AFDN: variants seen among roughly 807,000 people sequenced by gnomAD.
The protein encoded by AFDN is afadin, adherens junction formation factor, also known as afadin.
In AFDN, 68 loss-of-function variants were observed where a neutral mutation model predicts 216.6. The ratio of observed to expected loss-of-function variants is 0.31; its 90% CI spans 0.26 to 0.38. AFDN has a LOEUF of 0.38. AFDN is among the 10% of genes least tolerant of loss of function. The pLI, the probability that AFDN is intolerant of heterozygous loss-of-function variation, is 1.00. For missense variants in AFDN, 2,136 were observed against 2,342.0 expected (o/e 0.91, Z 1.82); for synonymous variants, 868 against 853.7 (o/e 1.02, Z -0.29).
chr6:167,856,021 T>A (rs1782855043), intron 1 of AFDN, among the ~76,000 whole-genome samples: 1 of 152,140 alleles, frequency 6.6e-6, no homozygotes. Context: ...GTTTAAATAG[T>A]GATGAAACCT....
chr6:167,836,153 T>C (rs1387018243), intron 1 of AFDN, among the ~76,000 whole-genome samples: 3 of 152,248 alleles, frequency 2.0e-5, no homozygotes, highest in Non-Finnish European at 4.4e-5. Flanking sequence ...CATCAAGTTT[T>C]ATTACTTGAA....
chr6:167,951,610 G>A lies in AFDN; in HGVS notation c.4256G>A (p.Arg1419Lys), dbSNP rs954474029. ...AQVAAAERRK[R>K]EEHQRWYEKE... ...GTGGCTGCTGCTGAACGGAGAAAGA[G>A]AGAAGAACATCAGCGTTGGTATGAG... The change falls in exon 30 of 34, where the codon AGA becomes AAA. Residue 1419 changes from arginine (R) to lysine (K), a missense_variant. Arg to Lys is a conservative substitution (Grantham distance 26). Coordinates refer to ENST00000683244, the MANE Select transcript of AFDN (RefSeq NM_001386888.1). This position sits in a 1 kb window ranked among gnomAD's most constrained non-coding sequence, Gnocchi z 7.1. The A allele has an allele frequency of 1.2e-6, 2 of 1,613,990 alleles. No individual in the cohort carries two copies. Among genetic ancestry groups the A allele is most frequent in the Non-Finnish European group, 1.7e-6 (2 of 1,180,038 alleles).
intron 6 of AFDN, among the ~76,000 whole-genome samples, chr6:167,886,647 A>G (rs1786850760): frequency 6.6e-6 from 1 of 152,272 alleles, no homozygotes; most frequent in South Asian, 2.1e-4. Context: ...AAGTCCATGG[A>G]TATGATGGGT....
chr6:167,885,337 C>G (rs1320657705), intron 6 of AFDN, among the ~76,000 whole-genome samples: 2 of 152,180 alleles, frequency 1.3e-5, no homozygotes, highest in Non-Finnish European at 2.9e-5. Flanking sequence ...TAGCTTTCTG[C>G]CTGTCTGGGC....
chr6:167,906,079 G>A (rs1019826151), intron 12 of AFDN, among the ~76,000 whole-genome samples: 1 of 152,126 alleles, frequency 6.6e-6, no homozygotes, highest in African/African-American at 2.4e-5. Context: ...CTCCAGCCTG[G>A]GTGACAGAGC....
Position 167,907,208 on chromosome 6 carries a change from C to T in AFDN, c.1688C>T (p.Ala563Val). 2 of 1,614,144 alleles carry T rather than the reference C, an allele frequency of 1.2e-6. No homozygotes were observed. The highest frequency in any genetic ancestry group is 1.7e-6 in the Non-Finnish European group (2 of 1,180,002). ...TRLDSDRVSS[A>V]SSTAERGMVK... ...CTGGACAGCGACAGAGTGTCGTCTG[C>T]CTCTAGCACAGCCGAGCGGGGAATG... is the stretch of plus-strand genomic sequence containing the variant. The change falls in exon 13 of 34, where the codon GCC becomes GTC. Residue 563 changes from alanine to valine, a missense_variant. Coordinates refer to ENST00000683244, the MANE Select transcript of AFDN (RefSeq NM_001386888.1).
intron 26 of AFDN, among the ~76,000 whole-genome samples, chr6:167,946,230 G>A (rs1795238442): frequency 1.3e-5 from 2 of 152,220 alleles, no homozygotes; most frequent in African/African-American, 2.4e-5. Flanking sequence ...AATCACAGAG[G>A]GAAGCTGTGA....
intron 24 of AFDN, 56 bp downstream of exon 24, chr6:167,943,250 A>G: frequency 6.6e-7 from 1 of 1,515,410 alleles, no homozygotes; most frequent in Non-Finnish European, 9.1e-7. Flanking sequence ...TCAGCAAATG[A>G]TGTGAGAGAT....
At chr6:167,901,072 C>A (rs1357499445) in intron 11 of AFDN, among the ~76,000 whole-genome samples, 1 of 152,144 alleles carries the variant, frequency 6.6e-6, no homozygotes, top group Non-Finnish European at 1.5e-5. Context: ...TGTACCTGCT[C>A]TTCTAATCTG....
chr6:167,927,075 A>T (rs759534022), intron 23 of AFDN, among the ~76,000 whole-genome samples: 1 of 152,192 alleles, frequency 6.6e-6, no homozygotes, highest in Non-Finnish European at 1.5e-5. Context: ...GTTATCCATA[A>T]TCTTAGTCAT....
At chr6:167,966,326 G>A in intron 32 of AFDN, 1 of 1,363,010 alleles carries the variant, frequency 7.3e-7, no homozygotes, top group Non-Finnish European at 9.6e-7. Flanking sequence ...TGGAACCTCA[G>A]CATCTCTCTG....
intron 13 of AFDN, 42 bp from the exon 14 acceptor site, chr6:167,911,059 C>T: frequency 1.3e-6 from 2 of 1,544,228 alleles, no homozygotes; most frequent in South Asian, 1.2e-5. Context: ...TATTGTTAGC[C>T]ATGTGACCTT....
At chr6:167,850,761 T>C (rs1198434504) in intron 1 of AFDN, among the ~76,000 whole-genome samples, 1 of 152,244 alleles carries the variant, frequency 6.6e-6, no homozygotes, top group Non-Finnish European at 1.5e-5. Flanking sequence ...AACATGGTTA[T>C]TTTCTGTAGA....
chr6:167,914,687 C>A lies in AFDN; in HGVS notation c.2248C>A (p.Pro750Thr), dbSNP rs753706093. The change falls in exon 18 of 34, where the codon CCA becomes ACA. Residue 750 changes from proline (P) to threonine (T), a missense_variant. Transcript: ENST00000683244. The stretch of plus-strand genomic sequence containing the variant: ...TCAATCAGAACTTAATAATTACATG[C>A]CAGCCTTTCTAGATGACCCTGAAGA... ...CLQSELNNYM[P>T]AFLDDPEENS... is the part of the protein sequence containing the mutation. The A allele has an allele frequency of 5.0e-5, 80 of 1,613,392 alleles. No individual in the cohort carries two copies. The highest frequency in any genetic ancestry group is 6.4e-5 in the Non-Finnish European group (75 of 1,179,578).
At chr6:167,838,287 C>A (rs767045920) in intron 1 of AFDN, among the ~76,000 whole-genome samples, 2 of 150,506 alleles carry the variant, frequency 1.3e-5, no homozygotes, top group African/African-American at 4.9e-5. Flanking sequence ...TGTGACGCTG[C>A]GCTTGTGGAG....
At chr6:167,886,934 G>T (rs2128320215) in intron 6 of AFDN, among the ~76,000 whole-genome samples, 1 of 149,798 alleles carries the variant, frequency 6.7e-6, no homozygotes, top group East Asian at 2.0e-4. Flanking sequence ...AGAATCACTT[G>T]AACCCAGGAG....
chr6:167,831,736 T>C (rs1037628000), intron 1 of AFDN, among the ~76,000 whole-genome samples: 4 of 152,156 alleles, frequency 2.6e-5, no homozygotes, highest in Admixed American at 1.3e-4. Context: ...TGATACCAAA[T>C]TGGTGAGAAG....
chr6:167,935,100 C>A (rs1167595586), intron 23 of AFDN, among the ~76,000 whole-genome samples: 1 of 152,180 alleles, frequency 6.6e-6, no homozygotes, highest in East Asian at 1.9e-4. Flanking sequence ...AGGTGAATTT[C>A]AGATACAGCT....
intron 31 of AFDN, chr6:167,964,970 G>A (rs1797392412): frequency 9.5e-7 from 1 of 1,052,970 alleles, no homozygotes; most frequent in Non-Finnish European, 1.1e-6. Flanking sequence ...TTGTGCAGAT[G>A]TATGTCAGAA....
Sources: allele counts gnomAD v4.1 joint callset (sites outside exome capture counted in the v4.1 genomes callset), GRCh38; gene constraint gnomAD v4.1.1; non-coding constraint Gnocchi (gnomAD v3.1); transcripts MANE v1.5; gene names NCBI Gene and HGNC (gene_info 2026-07-23, HGNC 2026-07-21).